EYS: variants seen among roughly 807,000 people sequenced by gnomAD.
The protein encoded by EYS is EGF-like photoreceptor maintenance factor.
A neutral mutation model predicts 282.1 loss-of-function variants in EYS; 250 were observed. The observed-to-expected ratio is 0.89, with a 90% CI of 0.80 to 0.98. The LOEUF (loss-of-function observed/expected upper bound fraction) is 0.98. EYS is among the 50% of genes least tolerant of loss of function. The pLI is 0.00. For missense variants in EYS, 4,016 were observed against 3,709.0 expected, an observed-to-expected ratio of 1.08 and a Z score of -2.15; for synonymous variants, 1,355 against 1,282.9, an observed-to-expected ratio of 1.06 and a Z score of -1.20.
At chr6:65,630,777 C>A (rs1344360337) in intron 2 of EYS, among the ~76,000 whole-genome samples, 1 of 151,982 alleles carries the variant, frequency 6.6e-6, no homozygotes, top group Non-Finnish European at 1.5e-5. Flanking sequence ...TAGTACTTGT[C>A]TAAAATAGTA....
intron 26 of EYS, among the ~76,000 whole-genome samples, chr6:64,490,916 TAA>T (rs1776720313): frequency 6.6e-6 from 1 of 150,790 alleles, no homozygotes; most frequent in Non-Finnish European, 1.5e-5. Flanking sequence ...GTAGAACTAT[TAA>T]AAGAGAGGAA....
intron 29 of EYS, among the ~76,000 whole-genome samples, chr6:64,341,876 A>G (rs994413608): frequency 6.6e-5 from 10 of 151,644 alleles, no homozygotes. Flanking sequence ...CATAACTAAG[A>G]AAAGCAAAAT....
At chr6:63,942,054 AT>A (rs1260292275) in intron 35 of EYS, among the ~76,000 whole-genome samples, 7 of 152,208 alleles carry the variant, frequency 4.6e-5, no homozygotes, top group Admixed American at 1.3e-4. Context: ...AGTAGTCTAC[AT>A]AGTTTTTAGG....
intron 2 of EYS, among the ~76,000 whole-genome samples, chr6:65,571,728 T>C (rs1764483174): frequency 6.6e-6 from 1 of 152,060 alleles, no homozygotes; most frequent in Admixed American, 6.6e-5. Flanking sequence ...GATAAAAATG[T>C]ATAATGCCCA....
intron 12 of EYS, among the ~76,000 whole-genome samples, chr6:65,191,139 T>G (rs1765632240): frequency 6.6e-6 from 1 of 151,868 alleles, no homozygotes; most frequent in South Asian, 2.1e-4. Flanking sequence ...GCTAAATATT[T>G]TTCTCTAGAC....
chr6:64,094,183 C>T (rs981781800), intron 31 of EYS, among the ~76,000 whole-genome samples: 4 of 152,054 alleles, frequency 2.6e-5, no homozygotes, highest in Non-Finnish European at 5.9e-5. Context: ...ATTTTCGCAT[C>T]GATGTTCATC....
chr6:64,818,990 T>G lies in EYS; in HGVS notation c.3243+2655A>C, dbSNP rs141897308. ...CTAACATAAACTATATTATTTCCAC[T>G]CCTAAGGAGGTTCACATGTAACACC... On this transcript the variant is annotated intron_variant, in intron 21 of 42. Transcript: ENST00000503581. Among the ~76,000 whole-genome samples, 634 of 152,294 alleles carry G rather than the reference T, an allele frequency of 4.2e-3. 6 individuals carry two copies. The highest frequency in any genetic ancestry group is 0.014 in the African/African-American group (591 of 41,572).
chr6:64,142,114 A>G (rs1231771589), intron 31 of EYS, among the ~76,000 whole-genome samples: 1 of 152,088 alleles, frequency 6.6e-6, no homozygotes, highest in Non-Finnish European at 1.5e-5. Flanking sequence ...AGGTGGAGAG[A>G]AAAAGATCTT....
intron 1 of EYS, among the ~76,000 whole-genome samples, chr6:65,672,226 GT>G (rs917630138): frequency 3.3e-5 from 5 of 152,042 alleles, no homozygotes; most frequent in African/African-American, 1.2e-4. Flanking sequence ...AAAACTGGTT[GT>G]TTACTTGCTA....
At chr6:63,722,583 T>G (rs1768443135) in intron 42 of EYS, among the ~76,000 whole-genome samples, 1 of 152,240 alleles carries the variant, frequency 6.6e-6, no homozygotes, top group African/African-American at 2.4e-5. Context: ...TTCTTCACTG[T>G]AAGATTGCTT....
intron 2 of EYS, among the ~76,000 whole-genome samples, chr6:65,593,182 A>C (rs1765292759): frequency 6.6e-6 from 1 of 152,050 alleles, no homozygotes; most frequent in East Asian, 1.9e-4. Context: ...TTCTAGACAT[A>C]AATGTCATCT....
chr6:65,225,119 C>T (rs1562033735), intron 12 of EYS, among the ~76,000 whole-genome samples: 3 of 151,652 alleles, frequency 2.0e-5, no homozygotes, highest in African/African-American at 7.3e-5. Flanking sequence ...ACAAAAGGAA[C>T]AAAAATTATA....
At chr6:64,305,671 G>A (rs1582568876) in intron 30 of EYS, among the ~76,000 whole-genome samples, 1 of 152,194 alleles carries the variant, frequency 6.6e-6, no homozygotes, top group Admixed American at 6.5e-5. Flanking sequence ...GGAGAAACTG[G>A]ATATCCACAT....
intron 8 of EYS, among the ~76,000 whole-genome samples, chr6:65,363,832 T>C (rs188825891): frequency 4.7e-4 from 72 of 151,930 alleles, no homozygotes; most frequent in Non-Finnish European, 7.7e-4. Context: ...TCAAAATACC[T>C]TATTATAATT....
chr6:63,791,902 C>A (rs530165313), intron 37 of EYS, among the ~76,000 whole-genome samples: 6 of 152,046 alleles, frequency 3.9e-5, no homozygotes, highest in African/African-American at 1.4e-4. Context: ...CATTAAACAC[C>A]TAAATAAATT....
At chr6:64,142,671 G>C (rs558676987) in intron 31 of EYS, among the ~76,000 whole-genome samples, 1 of 152,126 alleles carries the variant, frequency 6.6e-6, no homozygotes, top group Non-Finnish European at 1.5e-5. Context: ...TCCAGCAGTA[G>C]TGGAAGGCAC....
At chr6:65,159,814 A>G (rs2150220724) in intron 12 of EYS, among the ~76,000 whole-genome samples, 1 of 150,980 alleles carries the variant, frequency 6.6e-6, no homozygotes, top group South Asian at 2.1e-4. Flanking sequence ...AAATGGTGTA[A>G]ATGTCATTAC....
In EYS at chr6:64,264,349, T is replaced by G. The variant is rs183652267; in HGVS notation, c.6192-33525A>C. Reference sequence around the variant, plus strand: ...GCTTAATCAGGTTTCCTCTGACAACTGCTGCTTCTGTTGGGATCCAAATGA... The same window carrying G: ...GCTTAATCAGGTTTCCTCTGACAACGGCTGCTTCTGTTGGGATCCAAATGA... On this transcript the variant is annotated intron_variant, in intron 30 of 42. Coordinates refer to ENST00000503581, the MANE Select transcript of EYS (RefSeq NM_001142800.2). 1.8e-4 allele frequency among the ~76,000 whole-genome samples: 27 copies of G among 152,252 alleles called. 1 individual carries two copies. The East Asian group carries it at 4.8e-3, about 27-fold the overall frequency.
intron 5 of EYS, among the ~76,000 whole-genome samples, chr6:65,465,246 ATGAGGCCAGGAGTT>A (rs201899330): frequency 2.3e-4 from 35 of 152,088 alleles, no homozygotes; most frequent in East Asian, 1.7e-3. Context: ...GGAGGATCAC[ATGAGGCCAGGAGTT>A]TGAGGCCAGG....
Sources: gnomAD v4.1 joint callset for allele counts (sites outside exome capture counted in the v4.1 genomes callset) on GRCh38, gnomAD v4.1.1 for gene constraint, MANE v1.5 for transcripts, NCBI Gene and HGNC (gene_info 2026-07-23, HGNC 2026-07-21) for gene names.